The following GRIA3 variants were observed in gnomAD, a reference collection of about 807,000 sequenced individuals.
GRIA3 encodes glutamate ionotropic receptor AMPA type subunit 3.
A neutral mutation model predicts 63.0 loss-of-function variants in GRIA3; 3 were observed. The ratio of observed to expected loss-of-function variants is 0.05; its 90% CI spans 0.02 to 0.12. The LOEUF (loss-of-function observed/expected upper bound fraction) is 0.12, where lower values mean the gene tolerates loss of function less well. GRIA3 is among the 10% of genes least tolerant of loss of function. GRIA3 has a pLI of 1.00. For missense variants in GRIA3, 347 were observed against 700.9 expected (o/e 0.50, Z 5.70); for synonymous variants, 274 against 257.9 (o/e 1.06, Z -0.60).
chrX:123,345,189 T>C (rs187251327), intron 4 of GRIA3, among the ~76,000 whole-genome samples: 3 of 111,322 alleles, frequency 2.7e-5, no homozygotes, highest in Non-Finnish European at 5.7e-5. Context: ...CCTGCTCCTA[T>C]AATGAAGCAC....
chrX:123,415,908 AGG>A (rs976114511), intron 10 of GRIA3, among the ~76,000 whole-genome samples: 1 of 112,120 alleles, frequency 8.9e-6, no homozygotes, highest in African/African-American at 3.2e-5. Context: ...GGGTTGGCTA[AGG>A]TTGATAATTG....
intron 3 of GRIA3, among the ~76,000 whole-genome samples, chrX:123,307,653 T>G (rs1317946867): frequency 1.8e-5 from 2 of 111,707 alleles, no homozygotes; most frequent in African/African-American, 6.5e-5. Flanking sequence ...CCCAGGCAGA[T>G]AGGACTGATG....
At chrX:123,392,576 T>G (rs978802400) in intron 5 of GRIA3, among the ~76,000 whole-genome samples, 1 of 111,552 alleles carries the variant, frequency 9.0e-6, no homozygotes, top group Non-Finnish European at 1.9e-5. Context: ...GGAGTCCACA[T>G]TGAGAATATG....
At chrX:123,370,776 ATG>A (rs2045241764) in intron 5 of GRIA3, among the ~76,000 whole-genome samples, 1 of 107,985 alleles carries the variant, frequency 9.3e-6, no homozygotes, top group Non-Finnish European at 1.9e-5. Context: ...GTATATATAT[ATG>A]TGTCATATAT....
intron 11 of GRIA3, among the ~76,000 whole-genome samples, chrX:123,425,198 A>G (rs892543007): frequency 3.6e-5 from 4 of 112,080 alleles, no homozygotes; most frequent in Non-Finnish European, 5.6e-5. Context: ...TTTCTTATAC[A>G]AAATACGGGT....
intron 3 of GRIA3, among the ~76,000 whole-genome samples, chrX:123,274,841 A>G (rs1281572170): frequency 9.0e-6 from 1 of 111,691 alleles, no homozygotes; most frequent in Non-Finnish European, 1.9e-5. Flanking sequence ...TTACAACCCT[A>G]ATTAGCAATT....
At chrX:123,317,065 A>G (rs1391913572) in intron 3 of GRIA3, among the ~76,000 whole-genome samples, 1 of 111,151 alleles carries the variant, frequency 9.0e-6, no homozygotes, top group Non-Finnish European at 1.9e-5. Flanking sequence ...CACTTCTTAC[A>G]TGGTGGCGGC....
intron 5 of GRIA3, among the ~76,000 whole-genome samples, chrX:123,374,945 T>A (rs1403265941): frequency 2.7e-5 from 3 of 111,861 alleles, no homozygotes; most frequent in Non-Finnish European, 5.6e-5. Context: ...TTTGTCTGAT[T>A]GATCTAGGTA....
At chrX:123,321,610 C>A (rs1237701639) in intron 3 of GRIA3, among the ~76,000 whole-genome samples, 1 of 112,328 alleles carries the variant, frequency 8.9e-6, no homozygotes. Flanking sequence ...CGGGTTTTCA[C>A]TTGTTTATAC....
intron 12 of GRIA3, among the ~76,000 whole-genome samples, chrX:123,453,145 T>C (rs1370825773): frequency 8.9e-6 from 1 of 111,971 alleles, no homozygotes; most frequent in Non-Finnish European, 1.9e-5. Flanking sequence ...CCAACCCAAA[T>C]GTCCATCAAT....
intron 4 of GRIA3, among the ~76,000 whole-genome samples, 156 bp downstream of exon 4, chrX:123,326,369 G>GAAAA (rs56808544): frequency 1.7e-4 from 12 of 69,848 alleles, no homozygotes; most frequent in East Asian, 5.9e-4. Flanking sequence ...AGTGGCTGCA[G>GAAAA]AAAAAAAAAA....
chrX:123,384,594 C>T (rs760720106), intron 5 of GRIA3, among the ~76,000 whole-genome samples: 64 of 112,034 alleles, frequency 5.7e-4, no homozygotes, highest in Non-Finnish European at 1.1e-3. Context: ...CATTGCACTC[C>T]AGCCTGGGCA....
chrX:123,203,745 G>T (rs1300928405), intron 2 of GRIA3, among the ~76,000 whole-genome samples: 1 of 112,129 alleles, frequency 8.9e-6, no homozygotes, highest in East Asian at 2.8e-4. Context: ...GCGATAGCAA[G>T]GTTGGAGAAA....
chrX:123,386,447 A>G (rs2045354864), intron 5 of GRIA3, among the ~76,000 whole-genome samples: 1 of 111,632 alleles, frequency 9.0e-6, no homozygotes, highest in Non-Finnish European at 1.9e-5. Context: ...ACTGTGCAGA[A>G]GCTTTTTGGT....
At chrX:123,408,774 G>A (rs1172289336) in intron 10 of GRIA3, among the ~76,000 whole-genome samples, 4 of 112,032 alleles carry the variant, frequency 3.6e-5, no homozygotes, top group Non-Finnish European at 1.9e-5. Flanking sequence ...TGCTTTCTGG[G>A]CTTATAACAG....
chrX:123,322,820 T>C (rs765308401), intron 3 of GRIA3, among the ~76,000 whole-genome samples: 25 of 112,067 alleles, frequency 2.2e-4, no homozygotes, highest in Non-Finnish European at 1.9e-5. Context: ...GCTCAAAAAA[T>C]GTGAGCAAGG....
At chrX:123,262,128 C>G (rs147430851) in intron 3 of GRIA3, among the ~76,000 whole-genome samples, 4,772 of 111,762 alleles carry the variant, frequency 0.043, 254 homozygotes, top group African/African-American at 0.15. Flanking sequence ...GCAACTGTGA[C>G]TTTGAGGTTT....
intron 5 of GRIA3, among the ~76,000 whole-genome samples, chrX:123,357,079 A>T (rs1026518648): frequency 3.3e-4 from 37 of 111,429 alleles, no homozygotes; most frequent in African/African-American, 1.1e-3. Flanking sequence ...GCATTGATAA[A>T]ATCTTGGCCA....
chrX:123,356,590 T>C (rs2045135412), intron 5 of GRIA3, among the ~76,000 whole-genome samples: 1 of 112,153 alleles, frequency 8.9e-6, no homozygotes, highest in South Asian at 3.7e-4. Flanking sequence ...AGGGCTAAAA[T>C]AGAGATATAA....
Sources: allele counts gnomAD v4.1 joint callset (sites outside exome capture counted in the v4.1 genomes callset), GRCh38; gene constraint gnomAD v4.1.1; transcripts MANE v1.5; gene names NCBI Gene and HGNC (gene_info 2026-07-23, HGNC 2026-07-21).